Variants in ARHGAP15 observed in about 807,000 individuals in gnomAD.
ARHGAP15 encodes rho GTPase-activating protein 15.
A neutral mutation model predicts 63.7 loss-of-function variants in ARHGAP15; 51 were observed. That is an observed-to-expected ratio of 0.80 (90% CI 0.64 to 1.01). The LOEUF (loss-of-function observed/expected upper bound fraction) is 1.01, where lower values mean the gene tolerates loss of function less well. ARHGAP15 is among the 50% of genes least tolerant of loss of function. The pLI, the probability that ARHGAP15 is intolerant of heterozygous loss-of-function variation, is 0.00. For synonymous variants in ARHGAP15, 191 were observed against 193.8 expected, an observed-to-expected ratio of 0.99 and a Z score of 0.12; for missense variants, 560 against 564.6, an observed-to-expected ratio of 0.99 and a Z score of 0.08.
At chr2:143,661,793 G>T (rs531260865) in intron 12 of ARHGAP15, among the ~76,000 whole-genome samples, 11 of 152,222 alleles carry the variant, frequency 7.2e-5, no homozygotes, top group Admixed American at 7.2e-4. Flanking sequence ...TTCCCTTTCC[G>T]AGTCAAAGGG....
At chr2:143,762,446 T>C (rs1428934065) in intron 13 of ARHGAP15, among the ~76,000 whole-genome samples, 1 of 152,178 alleles carries the variant, frequency 6.6e-6, no homozygotes, top group Non-Finnish European at 1.5e-5. Context: ...TAATGAAACC[T>C]AAGCCCTACC....
intron 2 of ARHGAP15, among the ~76,000 whole-genome samples, chr2:143,179,908 T>C (rs1271903544): frequency 7.2e-6 from 1 of 138,578 alleles, no homozygotes; most frequent in Non-Finnish European, 1.6e-5. Flanking sequence ...AAAAAATGCA[T>C]ACCTTAATTT....
chr2:143,498,828 T>C (rs1057113267), intron 9 of ARHGAP15, among the ~76,000 whole-genome samples: 1 of 152,212 alleles, frequency 6.6e-6, no homozygotes, highest in Non-Finnish European at 1.5e-5. Flanking sequence ...CTAGCAACCA[T>C]ATTTTCCAAA....
chr2:143,227,314 T>A (rs1299789510), intron 4 of ARHGAP15, among the ~76,000 whole-genome samples: 1 of 151,864 alleles, frequency 6.6e-6, no homozygotes, highest in African/African-American at 2.4e-5. Flanking sequence ...ATATCAAGAC[T>A]TTTTTTCCAG....
chr2:143,154,523 AT>A (rs1170594747), intron 1 of ARHGAP15, among the ~76,000 whole-genome samples: 1 of 151,904 alleles, frequency 6.6e-6, no homozygotes, highest in African/African-American at 2.4e-5. Flanking sequence ...GGAGCCCGCT[AT>A]AGGATGTCTA....
intron 6 of ARHGAP15, among the ~76,000 whole-genome samples, chr2:143,341,737 A>G (rs1050555506): frequency 6.6e-6 from 1 of 152,096 alleles, no homozygotes; most frequent in Non-Finnish European, 1.5e-5. Context: ...TTTCCAACCA[A>G]AGACATAGTA....
Position 143,134,269 on chromosome 2 carries a change from C to T in ARHGAP15, c.-15+4803C>T, listed in dbSNP as rs368490546. On this transcript the variant is annotated intron_variant, in intron 1 of 13. Coordinates refer to ENST00000295095, the MANE Select transcript of ARHGAP15 (RefSeq NM_018460.4). ...GATAAAATAATTTTGATAGTTGTTG[C>T]CAAACTATCCTTCATGTTATTTGTA... is the stretch of plus-strand genomic sequence containing the variant. 1.3e-4 allele frequency among the ~76,000 whole-genome samples: 20 copies of T among 152,240 alleles called. No individual in the cohort carries two copies. The East Asian group carries it at 2.9e-3, about 22-fold the overall frequency.
At chr2:143,614,773 G>A (rs1002646184) in intron 11 of ARHGAP15, among the ~76,000 whole-genome samples, 1 of 152,166 alleles carries the variant, frequency 6.6e-6, no homozygotes, top group African/African-American at 2.4e-5. Context: ...CAGGAGTGAT[G>A]GGGTTCTCAG....
intron 9 of ARHGAP15, among the ~76,000 whole-genome samples, chr2:143,505,456 C>A (rs1264819418): frequency 1.3e-5 from 2 of 152,154 alleles, no homozygotes; most frequent in Non-Finnish European, 2.9e-5. Context: ...GCAGTAGAAA[C>A]TGAAAAATGA....
In ARHGAP15 at chr2:143,470,705, A is replaced by G. The variant is rs1691485177; in HGVS notation, c.704-16668A>G. On this transcript the variant is annotated intron_variant, in intron 8 of 13. Transcript: ENST00000295095. The stretch of plus-strand genomic sequence containing the variant: ...TATATATATGTATATATGTGTATAT[A>G]TATGTGTTGCCTGGGTAAGCATCCA... Among the ~76,000 whole-genome samples, 4 of 149,854 alleles carry G rather than the reference A, an allele frequency of 2.7e-5. No homozygotes were observed. In the South Asian group the frequency reaches 6.3e-4, roughly 24 times the overall value.
intron 6 of ARHGAP15, among the ~76,000 whole-genome samples, chr2:143,349,370 C>T (rs1466256321): frequency 6.6e-6 from 1 of 152,192 alleles, no homozygotes; most frequent in African/African-American, 2.4e-5. Flanking sequence ...CCTGTCTTTT[C>T]CTCAGTGGCA....
chr2:143,190,930 C>G (rs1691663459), intron 2 of ARHGAP15, among the ~76,000 whole-genome samples: 1 of 152,132 alleles, frequency 6.6e-6, no homozygotes, highest in Admixed American at 6.6e-5. Flanking sequence ...GTCACCATGC[C>G]CAGCTGATTT....
In ARHGAP15 at chr2:143,375,525, C is replaced by T. The variant is rs563340032; in HGVS notation, c.475-60076C>T. On this transcript the variant is annotated intron_variant, in intron 6 of 13. Coordinates refer to ENST00000295095, the MANE Select transcript of ARHGAP15 (RefSeq NM_018460.4). ...CACATGTGGAATGTCAGAGGAGGAA[C>T]TGTGCGGCTCACTCAGCTCACTAGG... is the stretch of plus-strand genomic sequence containing the variant. 2.8e-4 allele frequency among the ~76,000 whole-genome samples: 43 copies of T among 152,254 alleles called. 1 individual carries two copies. In the South Asian group the frequency reaches 4.4e-3, roughly 15 times the overall value.
intron 12 of ARHGAP15, among the ~76,000 whole-genome samples, chr2:143,651,779 A>G (rs1355375662): frequency 6.6e-6 from 1 of 151,960 alleles, no homozygotes; most frequent in African/African-American, 2.4e-5. Context: ...CAGGTATTAC[A>G]TTGTGGTTTG....
intron 6 of ARHGAP15, among the ~76,000 whole-genome samples, 154 bp downstream of exon 6, chr2:143,250,754 C>CT (rs1680114679): frequency 6.6e-6 from 1 of 152,052 alleles, no homozygotes; most frequent in African/African-American, 2.4e-5. Flanking sequence ...CCAGTTGAAT[C>CT]TTTGGTTTTG....
intron 8 of ARHGAP15, among the ~76,000 whole-genome samples, chr2:143,453,789 T>C (rs575437044): frequency 3.3e-4 from 49 of 149,430 alleles, no homozygotes; most frequent in African/African-American, 1.1e-3. Flanking sequence ...AAAACAAATT[T>C]ATCCAATCGG....
At chr2:143,702,734 G>C (rs1299774822) in intron 12 of ARHGAP15, among the ~76,000 whole-genome samples, 4 of 152,118 alleles carry the variant, frequency 2.6e-5, no homozygotes, top group Admixed American at 1.3e-4. Context: ...AGCTTTTGGA[G>C]ACTGTGGCAA....
At chr2:143,691,059 A>C (rs568698620) in intron 12 of ARHGAP15, among the ~76,000 whole-genome samples, 2 of 152,136 alleles carry the variant, frequency 1.3e-5, no homozygotes, top group Non-Finnish European at 2.9e-5. Context: ...CTCTTGCCCA[A>C]CTCACAGTCC....
intron 2 of ARHGAP15, among the ~76,000 whole-genome samples, chr2:143,178,268 GA>G (rs1258722415): frequency 6.6e-6 from 1 of 152,016 alleles, no homozygotes; most frequent in Non-Finnish European, 1.5e-5. Context: ...ATTATTTTCA[GA>G]AAAAACTTCA....
Sources: allele counts gnomAD v4.1 joint callset (sites outside exome capture counted in the v4.1 genomes callset), GRCh38; gene constraint gnomAD v4.1.1; transcripts MANE v1.5; gene names NCBI Gene and HGNC (gene_info 2026-07-23, HGNC 2026-07-21).